TIMELESS: variants seen among roughly 807,000 people sequenced by gnomAD.
TIMELESS encodes timeless circadian regulator.
TIMELESS carries 124 observed loss-of-function variants against 164.3 expected under a neutral mutation model. The ratio of observed to expected loss-of-function variants is 0.75; its 90% confidence interval spans 0.65 to 0.88. The LOEUF (loss-of-function observed/expected upper bound fraction) is 0.88. Ranked by LOEUF, TIMELESS falls within the 40% of genes least tolerant of loss-of-function variation. The pLI is 0.00. For missense variants in TIMELESS, 1,422 were observed against 1,491.4 expected (o/e 0.95, Z 0.77); for synonymous variants, 564 against 563.4 (o/e 1.00, Z -0.02).
In TIMELESS at chr12:56,433,027, T is replaced by C; in HGVS notation, c.530A>G (p.Lys177Arg). ...LHVPADLDQE[K>R]KIDDDASAHD... ...ACACAGAACACCCAAGACCCTCACC[T>C]TCTCCTGATCAAGGTCAGCTGGGAC... Residue 177 changes from lysine (K) to arginine (R), a missense_variant and splice_region_variant, in exon 6 of 29, where the codon AAG (lysine) becomes AGG (arginine). By Grantham distance (26) the Lys-to-Arg change is conservative. Coordinates refer to ENST00000553532, the MANE Select transcript of TIMELESS (RefSeq NM_003920.5). The C allele has an allele frequency of 6.2e-7, 1 of 1,605,762 alleles. No homozygotes were observed. Among genetic ancestry groups the C allele is most frequent in the South Asian group, 1.1e-5 (1 of 90,888 alleles).
chr12:56,425,012 T>A lies in TIMELESS; in HGVS notation c.1716+3A>T. ...AAAAGACAGGGTTTCTGTAACCACC[T>A]ACCTGGGCACAGCACTGTAGCTGCT... On this transcript the variant is annotated splice_donor_region_variant and intron_variant, in intron 14 of 28. Coordinates refer to ENST00000553532, the MANE Select transcript of TIMELESS (RefSeq NM_003920.5). 6.2e-7 allele frequency: 1 copy of A among 1,614,198 alleles called. No individual in the cohort carries two copies. The highest frequency in any genetic ancestry group is 8.5e-7 in the Non-Finnish European group (1 of 1,180,018).
chr12:56,433,881 G>C lies in TIMELESS; in HGVS notation c.143C>G (p.Thr48Arg). Residue 48 changes from threonine (T) to arginine (R), a missense_variant, in exon 3 of 29, where the codon ACA (threonine) becomes AGA (arginine). Coordinates refer to ENST00000553532, the MANE Select transcript of TIMELESS (RefSeq NM_003920.5). ...LIRYLRHEDE[T>R]RDVRQQLGAA... ...CCCCAGCTGCTGCCGCACATCTCGT[G>C]TCTCATCCTCATGCCTCAAATAGCG... is the stretch of plus-strand genomic sequence containing the variant. 1 of 1,614,150 alleles carries C rather than the reference G, an allele frequency of 6.2e-7. No homozygotes were observed. Among genetic ancestry groups the C allele is most frequent in the Non-Finnish European group, 8.5e-7 (1 of 1,180,038 alleles).
intron 1 of TIMELESS, among the ~76,000 whole-genome samples, chr12:56,443,074 T>C (rs1336714686): frequency 2.0e-5 from 3 of 152,118 alleles, no homozygotes; most frequent in Non-Finnish European, 4.4e-5. Context: ...CAATATGAAA[T>C]CAGGGCACCC....
At chr12:56,439,770 C>A (rs11171853) in intron 1 of TIMELESS, among the ~76,000 whole-genome samples, 2 of 152,292 alleles carry the variant, frequency 1.3e-5, no homozygotes, top group East Asian at 3.9e-4. Flanking sequence ...ATAAACAACA[C>A]TCCACACAAT....
Position 56,433,784 on chromosome 12 carries a change from A to G in TIMELESS, c.240T>C (p.Asp80=). 5.0e-6 allele frequency: 8 copies of G among 1,614,228 alleles called. No homozygotes were observed. Among genetic ancestry groups the G allele is most frequent in the Non-Finnish European group, 5.9e-6 (7 of 1,180,034 alleles). ...GCTAGGGAGGCAACCTGATAACAGC[A>G]TCAAAGAGAGGCTTGTCCTGGTGGT... ...TQHHQDKPLF[D]AVIRLMVNLT... is the part of the protein sequence containing the mutation. The change falls in exon 3 of 29, where the codon GAT becomes GAC. Residue 80 remains aspartate (D), a synonymous_variant. Transcript: ENST00000553532.
Position 56,424,791 on chromosome 12 carries a change from T to A in TIMELESS, c.1839A>T (p.Pro613=). 6.2e-7 allele frequency: 1 copy of A among 1,614,100 alleles called. No homozygotes were observed. Among genetic ancestry groups the A allele is most frequent in the Non-Finnish European group, 8.5e-7 (1 of 1,180,006 alleles). The part of the protein sequence containing the change: ...IQDCLLAGQA[P]QALTLLRSAR... ...CAGACCTCAGGAGAGTCAGGGCCTGTGGGGCCTGGCCAGCCAGGAGACAGT... is the reference window on the plus strand; with the variant it reads ...CAGACCTCAGGAGAGTCAGGGCCTGAGGGGCCTGGCCAGCCAGGAGACAGT... The change falls in exon 15 of 29, where the codon CCA becomes CCT. Residue 613 remains proline (P), a synonymous_variant. Transcript: ENST00000553532.
chr12:56,430,240 CT>C lies in TIMELESS; in HGVS notation c.950del (p.Lys317ArgfsTer22), dbSNP rs1336380955. Reference sequence around the variant, plus strand: ...GGGCGGCCTGGCGACGTTTAGGCACCTTTTTCGGCTGCTTTCCCAAATCTGA... The same window carrying C: ...GGGCGGCCTGGCGACGTTTAGGCACCTTTTCGGCTGCTTTCCCAAATCTGA... ...YSSDLGKQPK[K>X]VPKRRQAARE... On this transcript the variant is annotated frameshift_variant, in exon 10 of 29. Coordinates refer to ENST00000553532, the MANE Select transcript of TIMELESS (RefSeq NM_003920.5). LOFTEE classifies it high-confidence loss of function. 1.9e-6 allele frequency: 3 copies of C among 1,613,622 alleles called. No homozygotes were observed. The highest frequency in any genetic ancestry group is 2.5e-6 in the Non-Finnish European group (3 of 1,179,820).
intron 26 of TIMELESS, 116 bp from the exon 27 acceptor site, chr12:56,418,475 CTATT>C: frequency 1.4e-6 from 1 of 708,072 alleles, no homozygotes; most frequent in Non-Finnish European, 2.4e-6. Flanking sequence ...GTTGTGAACT[CTATT>C]TATTATAATA....
At chr12:56,421,636 G>C in intron 22 of TIMELESS, 91 bp downstream of exon 22, 1 of 1,541,978 alleles carries the variant, frequency 6.5e-7, no homozygotes, top group Non-Finnish European at 9.0e-7. Context: ...AGGGATGGGA[G>C]AATCTTTCCT....
intron 1 of TIMELESS, among the ~76,000 whole-genome samples, chr12:56,437,592 G>A (rs1271051001): frequency 1.3e-5 from 2 of 152,072 alleles, no homozygotes; most frequent in African/African-American, 4.8e-5. Context: ...AAGAACATGA[G>A]AGCAGAAGCA....
At position 56,420,972 on chromosome 12, in the gene TIMELESS, G is replaced by T; in HGVS notation, c.3031C>A (p.His1011Asn). 4 of 1,614,108 alleles carry T rather than the reference G, an allele frequency of 2.5e-6. No homozygotes were observed. The highest frequency in any genetic ancestry group is 3.4e-6 in the Non-Finnish European group (4 of 1,180,014). ...LSNENLGQSL[H>N]QEGFSIPLLW... ...CAGCCAAAGTCCTCACCTTCCTGAT[G>T]CAGGCTTTGACCAAGGTTTTCATTT... Residue 1011 changes from histidine (H) to asparagine (N), a missense_variant, in exon 24 of 29, where the codon CAT becomes AAT. Physicochemically the swap from His to Asn is moderately conservative, Grantham distance 68. Coordinates refer to ENST00000553532, the MANE Select transcript of TIMELESS (RefSeq NM_003920.5).
chr12:56,427,709 G>A (rs1432562816), intron 13 of TIMELESS, among the ~76,000 whole-genome samples: 1 of 152,128 alleles, frequency 6.6e-6, no homozygotes, highest in Non-Finnish European at 1.5e-5. Context: ...CTGAGTAGCT[G>A]GGATTACAGG....
intron 8 of TIMELESS, 95 bp from the exon 9 acceptor site, chr12:56,431,063 C>T: frequency 1.1e-6 from 1 of 896,082 alleles, no homozygotes; most frequent in Non-Finnish European, 1.7e-6. Context: ...GTTAAAACTA[C>T]AAAATGTTGG....
chr12:56,435,130 C>T (rs908883700), intron 1 of TIMELESS, among the ~76,000 whole-genome samples: 5 of 152,128 alleles, frequency 3.3e-5, no homozygotes, highest in Admixed American at 2.6e-4. Context: ...AAAAACCGAG[C>T]TCTGGCCATA....
At chr12:56,424,436 A>G (rs1881604801) in intron 15 of TIMELESS, among the ~76,000 whole-genome samples, 1 of 152,252 alleles carries the variant, frequency 6.6e-6, no homozygotes, top group Admixed American at 6.5e-5. Flanking sequence ...GAAACAATGT[A>G]TAACAAAACC....
intron 1 of TIMELESS, among the ~76,000 whole-genome samples, chr12:56,439,035 G>A (rs1031222158): frequency 1.7e-4 from 25 of 151,226 alleles, no homozygotes; most frequent in African/African-American, 2.2e-4. Context: ...GCATGGTGGC[G>A]GGCGCCTGTA....
At chr12:56,433,743 T>G in intron 3 of TIMELESS, 30 bp downstream of exon 3, 1 of 1,613,592 alleles carries the variant, frequency 6.2e-7, no homozygotes, top group South Asian at 1.1e-5. Context: ...GCCTGGCAGG[T>G]GGCAAAAGTT....
chr12:56,446,113 C>T (rs758474070), intron 1 of TIMELESS, among the ~76,000 whole-genome samples: 148 of 152,248 alleles, frequency 9.7e-4, no homozygotes, highest in African/African-American at 1.9e-3. Flanking sequence ...TCATGTTGCC[C>T]GGGCTGGTCT....
At chr12:56,445,439 A>G (rs1338838903) in intron 1 of TIMELESS, among the ~76,000 whole-genome samples, 1 of 136,308 alleles carries the variant, frequency 7.3e-6, no homozygotes, top group East Asian at 2.1e-4. Context: ...AAAAAAAAAA[A>G]AAAAAAAAAA....
Sources: gnomAD v4.1 joint callset for allele counts (sites outside exome capture counted in the v4.1 genomes callset) on GRCh38, gnomAD v4.1.1 for gene constraint, MANE v1.5 for transcripts, NCBI Gene and HGNC (gene_info 2026-07-23, HGNC 2026-07-21) for gene names.